PRKCH: variants seen among roughly 807,000 people sequenced by gnomAD.
The protein encoded by PRKCH is protein kinase C eta type.
A neutral mutation model predicts 82.5 loss-of-function variants in PRKCH; 28 were observed. The ratio of observed to expected loss-of-function variants is 0.34; its 90% CI spans 0.25 to 0.47. The LOEUF (loss-of-function observed/expected upper bound fraction) is 0.47. Ranked by LOEUF, PRKCH falls within the 20% of genes least tolerant of loss-of-function variation. The pLI is 1.00. For synonymous variants in PRKCH, 322 were observed against 327.4 expected, an observed-to-expected ratio of 0.98 and a Z score of 0.18; for missense variants, 705 against 881.8, an observed-to-expected ratio of 0.80 and a Z score of 2.54.
At chr14:61,398,932 A>T (rs1244493882) in intron 2 of PRKCH, among the ~76,000 whole-genome samples, 2 of 152,262 alleles carry the variant, frequency 1.3e-5, no homozygotes. Flanking sequence ...ATTAACTCCC[A>T]GGAGGCAAGT....
At chr14:61,290,510 T>G (rs867855370) in intron 1 of PRKCH, among the ~76,000 whole-genome samples, 5 of 152,190 alleles carry the variant, frequency 3.3e-5, no homozygotes, top group Non-Finnish European at 5.9e-5. Flanking sequence ...TGTGCCATTC[T>G]GTGGGTCTCT....
chr14:61,502,044 T>C (rs1048564090), intron 10 of PRKCH, among the ~76,000 whole-genome samples: 2 of 101,782 alleles, frequency 2.0e-5, no homozygotes, highest in South Asian at 7.4e-4. Context: ...GGCAATCTTT[T>C]CTTTTCTTTT....
intron 1 of PRKCH, among the ~76,000 whole-genome samples, chr14:61,199,181 G>A (rs2044461402): frequency 6.6e-6 from 1 of 152,178 alleles, no homozygotes; most frequent in Non-Finnish European, 1.5e-5. Context: ...AACATTGAAT[G>A]GTTTGATTAT....
chr14:61,199,917 G>T (rs2140037831), intron 1 of PRKCH, among the ~76,000 whole-genome samples: 1 of 152,272 alleles, frequency 6.6e-6, no homozygotes. Context: ...GTACAGAGTG[G>T]TACATCTAAA....
intron 10 of PRKCH, among the ~76,000 whole-genome samples, chr14:61,523,127 TTCC>T (rs201803594): frequency 0.019 from 2,885 of 152,282 alleles, 56 homozygotes; most frequent in Non-Finnish European, 0.027. Context: ...TACATGCTAG[TTCC>T]TCCTCCTCAG....
chr14:61,476,844 G>A (rs1446131639), intron 9 of PRKCH, among the ~76,000 whole-genome samples: 1 of 151,464 alleles, frequency 6.6e-6, no homozygotes, highest in African/African-American at 2.4e-5. Flanking sequence ...CATCTTCTGG[G>A]CTGTGCAAAA....
intron 1 of PRKCH, among the ~76,000 whole-genome samples, chr14:61,206,690 G>A (rs1435519804): frequency 6.6e-6 from 1 of 152,152 alleles, no homozygotes; most frequent in Non-Finnish European, 1.5e-5. Context: ...TATGCAATAT[G>A]CAGATTCAGC....
upstream of PRKCH, among the ~76,000 whole-genome samples, chr14:61,320,028 T>C (rs2045595491): frequency 6.6e-6 from 1 of 152,094 alleles, no homozygotes; most frequent in Admixed American, 6.6e-5. Flanking sequence ...GAGTGGGGGC[T>C]AGAAAGATGA....
chr14:61,310,947 A>G (rs1028283040), intron 1 of PRKCH, among the ~76,000 whole-genome samples: 5 of 152,250 alleles, frequency 3.3e-5, no homozygotes, highest in African/African-American at 1.2e-4. Context: ...CTGAAGCAAC[A>G]GCCTGAGCTG....
At position 61,417,838 on chromosome 14, in the gene PRKCH, T is replaced by C. The variant is rs149483881; in HGVS notation, c.428-25273T>C. ...TAAATGAAAACATCTAGGTTGAAAG[T>C]GTGTTTGTGTTTGCAGTACATTTGT... is the stretch of plus-strand genomic sequence containing the variant. On this transcript the variant is annotated intron_variant, in intron 2 of 13. Transcript: ENST00000332981. 5.0e-3 allele frequency among the ~76,000 whole-genome samples: 767 copies of C among 152,288 alleles called. 8 individuals are homozygous for C. Among genetic ancestry groups the C allele is most frequent in the African/African-American group, 0.017 (693 of 41,560 alleles).
At chr14:61,278,919 A>T (rs529998209) in intron 1 of PRKCH, 57 of 150,780 alleles carry the variant, frequency 3.8e-4, no homozygotes, top group Middle Eastern at 3.4e-3. Context: ...TTGAAAAGAT[A>T]AAAAAAATTT....
At chr14:61,491,721 A>G (rs1484531947) in intron 10 of PRKCH, among the ~76,000 whole-genome samples, 4 of 152,186 alleles carry the variant, frequency 2.6e-5, no homozygotes, top group Non-Finnish European at 5.9e-5. Flanking sequence ...CTCATCAGCC[A>G]CTGTTCTGCA....
chr14:61,384,318 A>G (rs569774770), intron 1 of PRKCH, among the ~76,000 whole-genome samples: 122 of 152,312 alleles, frequency 8.0e-4, no homozygotes, highest in Non-Finnish European at 1.4e-3. Flanking sequence ...CAGGCTTCCC[A>G]GATGGTGGTC....
At position 61,445,679 on chromosome 14, in the gene PRKCH, T is replaced by A. The variant is rs1594714580; in HGVS notation, c.579-13T>A. The A allele has an allele frequency of 6.2e-7, 1 of 1,606,672 alleles. No individual in the cohort carries two copies. Among genetic ancestry groups the A allele is most frequent in the African/African-American group, 1.3e-5 (1 of 74,894 alleles). Reference sequence around the variant, plus strand: ...AAATACTTGACTGATGGTAGTTTTCTTCTCTTCAACAGGGGAGTGTTTGGG... The same window carrying A: ...AAATACTTGACTGATGGTAGTTTTCATCTCTTCAACAGGGGAGTGTTTGGG... On this transcript the variant is annotated splice_polypyrimidine_tract_variant and intron_variant, in intron 3 of 13. Coordinates refer to ENST00000332981, the MANE Select transcript of PRKCH (RefSeq NM_006255.5).
intron 1 of PRKCH, among the ~76,000 whole-genome samples, chr14:61,370,890 T>C (rs1164355992): frequency 6.6e-6 from 1 of 152,042 alleles, no homozygotes; most frequent in East Asian, 1.9e-4. Context: ...GTATGGAAAC[T>C]AGCGCAAAAT....
At chr14:61,451,102 C>A in intron 6 of PRKCH, 131 bp downstream of exon 6, 1 of 1,190,596 alleles carries the variant, frequency 8.4e-7, no homozygotes, top group Middle Eastern at 2.4e-4. Flanking sequence ...ACATCTTAGT[C>A]ATTTTAAACT....
In PRKCH at chr14:61,357,568, A is replaced by C. The variant is rs1343734889; in HGVS notation, c.364-33657A>C. Among the ~76,000 whole-genome samples the C allele has an allele frequency of 2.0e-5, 3 of 152,088 alleles. No homozygotes were observed. The South Asian group carries it at 6.2e-4, about 32-fold the overall frequency. On this transcript the variant is annotated intron_variant, in intron 1 of 13. Coordinates refer to ENST00000332981, the MANE Select transcript of PRKCH (RefSeq NM_006255.5). ...ACTGTCTCTTTCTCCTTGGCTGTCA[A>C]ATGTTCTCTGCGTTTTCCATTTTTG...
At position 61,278,793 on chromosome 14, in the gene PRKCH, TG is replaced by T. The variant is rs1358275574; in HGVS notation, c.-19+91126del. ...ATAAAATCAATGGAATGATTTTAGT[TG>T]AGTGTAAACTTCATCTCAAAGGTTC... On this transcript the variant is annotated intron_variant, in intron 1 of 3. Coordinates refer to the PRKCH transcript ENST00000555185. 8 of 152,326 alleles carry T rather than the reference TG, an allele frequency of 5.3e-5. No individual in the cohort carries two copies. The East Asian group carries it at 1.5e-3, about 29-fold the overall frequency. The allele number at this position is 152,326 out of a possible 1,614,324, so 9.4% of individuals were successfully genotyped here.
chr14:61,384,445 T>A (rs2046557222), intron 1 of PRKCH, among the ~76,000 whole-genome samples: 1 of 150,890 alleles, frequency 6.6e-6, no homozygotes, highest in Non-Finnish European at 1.5e-5. Context: ...GGTCTGGGAA[T>A]CTTATATTTA....
Sources: gnomAD v4.1 joint callset for allele counts (sites outside exome capture counted in the v4.1 genomes callset) on GRCh38, gnomAD v4.1.1 for gene constraint, MANE v1.5 for transcripts, NCBI Gene and HGNC (gene_info 2026-07-23, HGNC 2026-07-21) for gene names.